PPM1G: variants seen among roughly 807,000 people sequenced by gnomAD.
PPM1G encodes the protein protein phosphatase, Mg2+/Mn2+ dependent 1G.
PPM1G carries 12 observed loss-of-function variants against 59.4 expected under a neutral mutation model. That is an observed-to-expected ratio of 0.20 (90% CI 0.13 to 0.33). The LOEUF (loss-of-function observed/expected upper bound fraction) is 0.33. PPM1G is among the 10% of genes least tolerant of loss of function. The pLI, the probability that PPM1G is intolerant of heterozygous loss-of-function variation, is 1.00. For synonymous variants in PPM1G, 245 were observed against 251.9 expected (o/e 0.97, Z 0.26); for missense variants, 392 against 681.3 (o/e 0.58, Z 4.73).
chr2:27,391,081 G>A lies in PPM1G; in HGVS notation c.121-3923C>T, dbSNP rs577957563. 3.3e-5 allele frequency among the ~76,000 whole-genome samples: 5 copies of A among 152,222 alleles called. No homozygotes were observed. In the South Asian group the frequency reaches 8.3e-4, roughly 25 times the overall value. Reference sequence around the variant, plus strand: ...CATATTTTCTTTTCTTTTCTAGTCCGCCACTGATGGGCACATGAGTTGATT... The same window carrying A: ...CATATTTTCTTTTCTTTTCTAGTCCACCACTGATGGGCACATGAGTTGATT... On this transcript the variant is annotated intron_variant, in intron 1 of 9. Transcript: ENST00000344034.
In PPM1G at chr2:27,386,252, T is replaced by C. The variant is rs527921079; in HGVS notation, c.218A>G (p.Lys73Arg). 101 of 1,613,928 alleles carry C rather than the reference T, an allele frequency of 6.3e-5. No individual in the cohort carries two copies. The highest frequency in any genetic ancestry group is 2.2e-4 in the Admixed American group (13 of 60,004). ...ATCTTTGATGATATCAGGAAGATAT[T>C]TGGCACAGTACAAGGCAACTTCCTC... ...GGEEVALYCA[K>R]YLPDIIKDQK... Residue 73 changes from lysine (K) to arginine (R), a missense_variant, in exon 3 of 10, where the codon AAA becomes AGA. Transcript: ENST00000344034.
rs1178703424 is a variant in PPM1G at position 27,387,144 on chromosome 2, A to G, written c.135T>C (p.Cys45=). The change falls in exon 2 of 10, where the codon TGT becomes TGC. Residue 45 remains cysteine (C), a synonymous_variant. Transcript: ENST00000344034. ...WRVSMEDAHN[C]IPELDSETAM... is the part of the protein sequence containing the mutation. ...CTGTCTCACTGTCCAGCTCAGGAAT[A>G]CAGTTGTGAGCATCCTAGGAAAAGA... is the stretch of plus-strand genomic sequence containing the variant. The G allele has an allele frequency of 2.5e-6, 4 of 1,612,848 alleles. No individual in the cohort carries two copies. Among genetic ancestry groups the G allele is most frequent in the African/African-American group, 2.7e-5 (2 of 75,010 alleles).
In PPM1G at chr2:27,385,465, G is replaced by A; in HGVS notation, c.409+282C>T. ...GCTAATAACTGCTCCAGTCTTGAGGGGAAAAAAAAGCACATAAATACTAGC... is the reference window on the plus strand; with the variant it reads ...GCTAATAACTGCTCCAGTCTTGAGGAGAAAAAAAAGCACATAAATACTAGC... On this transcript the variant is annotated intron_variant, in intron 4 of 9. Transcript: ENST00000344034. The surrounding 1 kb of genome is among the most constrained non-coding windows in gnomAD (Gnocchi z 4.1). The A allele has an allele frequency of 6.9e-6, 3 of 434,758 alleles. 1 individual carries two copies. The East Asian group carries it at 1.2e-4, about 17-fold the overall frequency. 26.9% of individuals were successfully genotyped at this position (434,758 alleles called of 1,614,324 possible).
chr2:27,396,129 G>A (rs973002576), intron 1 of PPM1G, among the ~76,000 whole-genome samples: 6 of 152,188 alleles, frequency 3.9e-5, no homozygotes, highest in Admixed American at 3.3e-4. Flanking sequence ...AAAATTAGCC[G>A]GGTGTTGTGG....
intron 1 of PPM1G, among the ~76,000 whole-genome samples, chr2:27,398,846 G>A (rs1451716907): frequency 6.7e-6 from 1 of 150,360 alleles, no homozygotes; most frequent in Non-Finnish European, 1.5e-5. Context: ...AAAAAAGAAA[G>A]AAAGCCAGCA....
chr2:27,388,394 G>C lies in PPM1G; in HGVS notation c.121-1236C>G, dbSNP rs570222280. 3.3e-5 allele frequency among the ~76,000 whole-genome samples: 5 copies of C among 152,056 alleles called. No homozygotes were observed. In the East Asian group the frequency reaches 9.8e-4, roughly 30 times the overall value. ...ACTGCGCTCCAGCCTGGGTGACAGA[G>C]TCAGACTCCGTCTCTAAATAAATAA... On this transcript the variant is annotated intron_variant, in intron 1 of 9. Coordinates refer to ENST00000344034, the MANE Select transcript of PPM1G (RefSeq NM_177983.3).
chr2:27,397,967 G>A (rs1247943989), intron 1 of PPM1G, among the ~76,000 whole-genome samples: 1 of 152,192 alleles, frequency 6.6e-6, no homozygotes, highest in East Asian at 1.9e-4. Context: ...GCCAGGCACG[G>A]TGGCTCATGC....
chr2:27,405,098 G>C (rs1176320324), intron 1 of PPM1G, among the ~76,000 whole-genome samples: 1 of 143,318 alleles, frequency 7.0e-6, no homozygotes, highest in Non-Finnish European at 1.5e-5. Flanking sequence ...TTTTAAGATG[G>C]AGTCTCACCC....
chr2:27,404,863 G>T (rs370587359), intron 1 of PPM1G, among the ~76,000 whole-genome samples: 1 of 147,464 alleles, frequency 6.8e-6, no homozygotes, highest in Non-Finnish European at 1.5e-5. Flanking sequence ...AGAATCGCTT[G>T]AACTCAGGAG....
intron 1 of PPM1G, among the ~76,000 whole-genome samples, chr2:27,406,838 T>C (rs1411856632): frequency 6.6e-6 from 1 of 152,176 alleles, no homozygotes; most frequent in African/African-American, 2.4e-5. Flanking sequence ...AACGTTTTAC[T>C]GCGAGATGGA....
chr2:27,385,466 GA>G lies in PPM1G; in HGVS notation c.409+280del, dbSNP rs1047933078. 9.2e-5 allele frequency: 40 copies of G among 434,078 alleles called. No homozygotes were observed. Among genetic ancestry groups the G allele is most frequent in the East Asian group, 1.6e-4 (4 of 25,418 alleles). The allele number at this position is 434,078 out of a possible 1,614,324, so 26.9% of individuals were successfully genotyped here. On this transcript the variant is annotated intron_variant, in intron 4 of 9. Transcript: ENST00000344034. This position sits in a 1 kb window ranked among gnomAD's most constrained non-coding sequence, Gnocchi z 4.1. ...CTAATAACTGCTCCAGTCTTGAGGGGAAAAAAAAGCACATAAATACTAGCAG... is the reference window on the plus strand; with the variant it reads ...CTAATAACTGCTCCAGTCTTGAGGGGAAAAAAAGCACATAAATACTAGCAG...
In PPM1G at chr2:27,409,411, G is replaced by A. The variant is rs1002709957; in HGVS notation, c.12C>T (p.Tyr4=). Residue 4 remains tyrosine (Y), a synonymous_variant, in exon 1 of 10, where the codon TAC becomes TAT. Transcript: ENST00000344034. MGA[Y]LSQPNTVKCS... ...ACTTCACCGTGTTGGGCTGGGAGAG[G>A]TAGGCACCCATGGCGGCGGCTGGCC... is the stretch of plus-strand genomic sequence containing the variant. The A allele has an allele frequency of 1.3e-6, 2 of 1,519,108 alleles. No individual in the cohort carries two copies. The highest frequency in any genetic ancestry group is 2.9e-5 in the African/African-American group (2 of 69,328). The allele number at this position is 1,519,108 out of a possible 1,614,324, so 94.1% of individuals were successfully genotyped here. A position where few individuals can be genotyped will look rare whatever the true frequency, so the allele number is the denominator to read the frequency against.
intron 1 of PPM1G, among the ~76,000 whole-genome samples, chr2:27,398,653 C>A (rs1684108047): frequency 6.6e-6 from 1 of 151,688 alleles, no homozygotes; most frequent in Non-Finnish European, 1.5e-5. Context: ...GAAACCCCGT[C>A]TCTACTAAAA....
intron 1 of PPM1G, among the ~76,000 whole-genome samples, chr2:27,391,751 G>A: frequency 8.7e-6 from 1 of 115,048 alleles, no homozygotes; most frequent in East Asian, 2.4e-4. Context: ...TTTTTTTTTT[G>A]AGACAGAGTC....
At chr2:27,392,135 T>C (rs1683918995) in intron 1 of PPM1G, among the ~76,000 whole-genome samples, 1 of 151,884 alleles carries the variant, frequency 6.6e-6, no homozygotes, top group Non-Finnish European at 1.5e-5. Context: ...GTCTTATTTC[T>C]GTAAATGGAA....
intron 1 of PPM1G, among the ~76,000 whole-genome samples, chr2:27,402,129 GAA>G (rs68102206): frequency 0.37 from 56,557 of 151,238 alleles, 10,834 homozygotes; most frequent in Admixed American, 0.44. Flanking sequence ...GGTCAAAAAG[GAA>G]AAAAAAGTTG....
At position 27,382,132 on chromosome 2, in the gene PPM1G, C is replaced by A; in HGVS notation, c.1428G>T (p.Val476=). The A allele has an allele frequency of 6.2e-7, 1 of 1,613,938 alleles. No homozygotes were observed. Among genetic ancestry groups the A allele is most frequent in the Non-Finnish European group, 8.5e-7 (1 of 1,179,784 alleles). The change falls in exon 9 of 10, where the codon GTG becomes GTT. Residue 476 remains valine (V), a synonymous_variant. Coordinates refer to ENST00000344034, the MANE Select transcript of PPM1G (RefSeq NM_177983.3). This position sits in a 1 kb window ranked among gnomAD's most constrained non-coding sequence, Gnocchi z 4.2. The part of the protein sequence containing the change: ...NGELRLLSSI[V]EELLDQCLAP... Reference sequence around the variant, plus strand: ...TCTCCACCCTGGTACTCACCTCTTCCACAATGGATGACAATAACCGAAGCT... The same window carrying A: ...TCTCCACCCTGGTACTCACCTCTTCAACAATGGATGACAATAACCGAAGCT...
At chr2:27,392,719 C>A (rs948524201) in intron 1 of PPM1G, 35 of 947,210 alleles carry the variant, frequency 3.7e-5, no homozygotes, top group Non-Finnish European at 5.1e-5. Flanking sequence ...GAAACCCCAA[C>A]ATACATGCGC....
intron 2 of PPM1G, 77 bp downstream of exon 2, chr2:27,387,012 C>A (rs1683780053): frequency 8.6e-7 from 1 of 1,157,866 alleles, no homozygotes. Context: ...AGTAAATGAA[C>A]AAAGGGACCT....
Sources: allele counts gnomAD v4.1 joint callset (sites outside exome capture counted in the v4.1 genomes callset), GRCh38; gene constraint gnomAD v4.1.1; non-coding constraint Gnocchi (gnomAD v3.1); transcripts MANE v1.5; gene names NCBI Gene and HGNC (gene_info 2026-07-23, HGNC 2026-07-21).